USP15: variants seen among roughly 807,000 people sequenced by gnomAD.
USP15 encodes the protein ubiquitin specific peptidase 15.
A neutral mutation model predicts 127.1 loss-of-function variants in USP15; 18 were observed. The ratio of observed to expected loss-of-function variants is 0.14; its 90% CI spans 0.10 to 0.21. The LOEUF (loss-of-function observed/expected upper bound fraction) is 0.21, where lower values mean the gene tolerates loss of function less well. Among genes scored for constraint, USP15 ranks in the 10% least tolerant of loss-of-function variants. The pLI is 1.00. For missense variants in USP15, 805 were observed against 1,159.9 expected, an observed-to-expected ratio of 0.69 and a Z score of 4.44; for synonymous variants, 364 against 393.7, an observed-to-expected ratio of 0.92 and a Z score of 0.89.
At position 62,335,892 on chromosome 12, in the gene USP15, G is replaced by A. The variant is rs2065446187; in HGVS notation, c.683+9959G>A. The A allele has an allele frequency of 9.1e-6, 9 of 985,248 alleles. No individual in the cohort carries two copies. The Admixed American group carries it at 1.8e-4, about 20-fold the overall frequency. The allele number at this position is 985,248 out of a possible 1,614,324, so 61.0% of individuals were successfully genotyped here. On this transcript the variant is annotated intron_variant, in intron 6 of 21. Transcript: ENST00000280377. ...TTCTCTGAATTTGAATGCATGATAC[G>A]ACCTTTTATGCCAAGGACTTTGCCT...
chr12:62,289,250 AT>A (rs2063879106), intron 1 of USP15, among the ~76,000 whole-genome samples: 1 of 124,126 alleles, frequency 8.1e-6, no homozygotes, highest in Non-Finnish European at 1.8e-5. Context: ...TTGTTGGGAG[AT>A]TTTCATCTTA....
At chr12:62,275,649 G>C (rs2063472849) in intron 1 of USP15, among the ~76,000 whole-genome samples, 1 of 152,044 alleles carries the variant, frequency 6.6e-6, no homozygotes, top group Admixed American at 6.6e-5. Context: ...AGGAGGAAAA[G>C]ACTTAATCCC....
intron 20 of USP15, among the ~76,000 whole-genome samples, chr12:62,397,468 C>A (rs1475871088): frequency 6.6e-6 from 1 of 152,040 alleles, no homozygotes; most frequent in African/African-American, 2.4e-5. Context: ...GTATCCATTT[C>A]ATTTAGGTTT....
chr12:62,335,360 G>A, intron 6 of USP15: 5 of 1,431,104 alleles, frequency 3.5e-6, no homozygotes, highest in Non-Finnish European at 4.6e-6. Context: ...AGAGATAAAT[G>A]ATGCGTTATC....
intron 3 of USP15, chr12:62,312,320 C>A: frequency 2.9e-6 from 1 of 339,514 alleles, no homozygotes; most frequent in Non-Finnish European, 6.1e-6. Context: ...GTAAAGTTTC[C>A]ATGAAACTTT....
chr12:62,348,172 C>T (rs2065872522), intron 6 of USP15, among the ~76,000 whole-genome samples: 1 of 151,930 alleles, frequency 6.6e-6, no homozygotes, highest in Admixed American at 6.6e-5. Context: ...TGTGTCACTG[C>T]CCCCCAGCCT....
chr12:62,320,755 T>G (rs1052126763), intron 4 of USP15, among the ~76,000 whole-genome samples: 4 of 152,086 alleles, frequency 2.6e-5, no homozygotes, highest in African/African-American at 7.2e-5. Context: ...TTATTAAGTT[T>G]AATATTTTAT....
chr12:62,372,452 T>C (rs1028711986), intron 8 of USP15, among the ~76,000 whole-genome samples: 1 of 152,146 alleles, frequency 6.6e-6, no homozygotes, highest in South Asian at 2.1e-4. Context: ...CTTGAAGTAA[T>C]GATCTCTTAA....
intron 3 of USP15, among the ~76,000 whole-genome samples, chr12:62,305,214 A>AAAC (rs1353701645): frequency 6.6e-5 from 10 of 152,154 alleles, no homozygotes; most frequent in African/African-American, 2.4e-4. Context: ...AAGAAATGCT[A>AAAC]TGAATCCCAA....
intron 8 of USP15, among the ~76,000 whole-genome samples, chr12:62,360,377 T>C (rs2066276793): frequency 6.6e-6 from 1 of 152,084 alleles, no homozygotes; most frequent in Non-Finnish European, 1.5e-5. Flanking sequence ...ATTTCAAAAA[T>C]TTAGAAGAAT....
chr12:62,371,416 G>A (rs1182709156), intron 8 of USP15, among the ~76,000 whole-genome samples: 4 of 152,128 alleles, frequency 2.6e-5, no homozygotes, highest in South Asian at 4.1e-4. Flanking sequence ...CCAGATAATC[G>A]TAAGCACAGT....
chr12:62,301,052 A>G lies in USP15; in HGVS notation c.218-1738A>G, dbSNP rs144282815. Among the ~76,000 whole-genome samples the G allele has an allele frequency of 1.5e-3, 223 of 152,288 alleles. 2 individuals carry two copies. The highest frequency in any genetic ancestry group is 4.8e-3 in the African/African-American group (201 of 41,582). ...GAAGAAAACGTAAAGCCCAATGGAA[A>G]AAGTAGGCAAAAGATTTGAACACAT... On this transcript the variant is annotated intron_variant, in intron 2 of 21. Coordinates refer to ENST00000280377, the MANE Select transcript of USP15 (RefSeq NM_001252078.2).
chr12:62,336,618 C>T (rs2065474188), intron 6 of USP15: 6 of 495,844 alleles, frequency 1.2e-5, no homozygotes, highest in Non-Finnish European at 1.6e-5. Flanking sequence ...AGTACAAAAC[C>T]ATTGTATTTT....
intron 4 of USP15, 79 bp downstream of exon 4, chr12:62,314,995 G>A: frequency 1.5e-6 from 2 of 1,293,526 alleles, no homozygotes; most frequent in Non-Finnish European, 2.0e-6. Context: ...ATGCTACTTG[G>A]ATGATAACCA....
chr12:62,323,811 A>G (rs1179606224), intron 5 of USP15, among the ~76,000 whole-genome samples: 2 of 152,184 alleles, frequency 1.3e-5, no homozygotes. Flanking sequence ...AGAGAAGTTA[A>G]ATAATTTGAT....
Position 62,326,684 on chromosome 12 carries a change from A to G in USP15, c.683+751A>G, listed in dbSNP as rs545529936. Among the ~76,000 whole-genome samples, 13 of 152,336 alleles carry G rather than the reference A, an allele frequency of 8.5e-5. 1 individual carries two copies. The highest frequency in any genetic ancestry group is 2.6e-4 in the African/African-American group (11 of 41,576). On this transcript the variant is annotated intron_variant, in intron 6 of 21. Coordinates refer to ENST00000280377, the MANE Select transcript of USP15 (RefSeq NM_001252078.2). ...CAAATGAACTGTGAAAAAATTTTTA[A>G]GTTTTTGGAGCTTTGGAATTTCACA...
intron 8 of USP15, among the ~76,000 whole-genome samples, chr12:62,376,178 GC>G (rs145101637): frequency 0.34 from 51,892 of 151,442 alleles, 10,510 homozygotes; most frequent in East Asian, 0.46. Flanking sequence ...AGTTTTGTGT[GC>G]TAATAACTTA....
chr12:62,349,036 C>T (rs1447579550), intron 6 of USP15, among the ~76,000 whole-genome samples, 185 bp from the exon 7 acceptor site: 3 of 151,944 alleles, frequency 2.0e-5, no homozygotes, highest in Non-Finnish European at 4.4e-5. Flanking sequence ...CCCTTTTGTA[C>T]TTTTATGTTT....
intron 8 of USP15, chr12:62,374,398 T>G: frequency 1.0e-6 from 1 of 985,674 alleles, no homozygotes; most frequent in Non-Finnish European, 1.2e-6. Context: ...AGTTACCGGT[T>G]TACTAAAATA....
Sources: gnomAD v4.1 joint callset for allele counts (sites outside exome capture counted in the v4.1 genomes callset) on GRCh38, gnomAD v4.1.1 for gene constraint, MANE v1.5 for transcripts, NCBI Gene and HGNC (gene_info 2026-07-23, HGNC 2026-07-21) for gene names.